The following TBC1D5 variants were observed in gnomAD, a reference collection of about 807,000 sequenced individuals.
TBC1D5 encodes TBC1 domain family member 5.
In TBC1D5, 75 loss-of-function variants were observed where a neutral mutation model predicts 100.3. The observed-to-expected ratio is 0.75, with a 90% CI of 0.62 to 0.91. The LOEUF (loss-of-function observed/expected upper bound fraction) is 0.91. Among genes scored for constraint, TBC1D5 ranks in the 40% least tolerant of loss-of-function variants. TBC1D5 has a pLI of 0.00. For synonymous variants in TBC1D5, 323 were observed against 325.6 expected (o/e 0.99, Z 0.09); for missense variants, 910 against 942.4 (o/e 0.97, Z 0.45).
chr3:17,162,485 C>T (rs574878873), intron 21 of TBC1D5, among the ~76,000 whole-genome samples: 11 of 152,356 alleles, frequency 7.2e-5, no homozygotes, highest in East Asian at 1.9e-4. Flanking sequence ...TGATGATTCA[C>T]CAACCTTTAG....
At chr3:17,287,842 A>G (rs1251835014) in intron 15 of TBC1D5, among the ~76,000 whole-genome samples, 1 of 152,174 alleles carries the variant, frequency 6.6e-6, no homozygotes, top group African/African-American at 2.4e-5. Context: ...CGCTTTTCTG[A>G]AGGTTTACAA....
intron 14 of TBC1D5, among the ~76,000 whole-genome samples, chr3:17,305,519 A>G (rs975224024): frequency 6.6e-6 from 1 of 152,204 alleles, no homozygotes; most frequent in Non-Finnish European, 1.5e-5. Context: ...TGGTTTTAAC[A>G]AACACCTGTC....
At chr3:17,370,528 C>G (rs1485508466) in intron 13 of TBC1D5, among the ~76,000 whole-genome samples, 1 of 152,074 alleles carries the variant, frequency 6.6e-6, no homozygotes, top group Non-Finnish European at 1.5e-5. Flanking sequence ...TGCCCAATAC[C>G]ACATGTCACA....
chr3:17,603,323 C>T (rs2061115295), intron 2 of TBC1D5, among the ~76,000 whole-genome samples: 1 of 151,736 alleles, frequency 6.6e-6, no homozygotes, highest in South Asian at 2.1e-4. Flanking sequence ...TCACAAAGAC[C>T]CCACTGGTAA....
chr3:17,350,000 C>T (rs1313205919), intron 13 of TBC1D5, among the ~76,000 whole-genome samples: 2 of 151,932 alleles, frequency 1.3e-5, no homozygotes, highest in East Asian at 3.9e-4. Flanking sequence ...TTTATTGTTG[C>T]CCGGGTGTTT....
chr3:17,555,372 T>C (rs751052272), intron 2 of TBC1D5, among the ~76,000 whole-genome samples: 1 of 152,156 alleles, frequency 6.6e-6, no homozygotes, highest in African/African-American at 2.4e-5. Flanking sequence ...TGAATCAATA[T>C]ATGTGAGGTA....
chr3:17,711,578 C>T lies in TBC1D5; in HGVS notation c.-101+27765G>A, dbSNP rs112752055. Among the ~76,000 whole-genome samples the T allele has an allele frequency of 3.3e-3, 505 of 152,110 alleles. 2 individuals carry two copies. Among genetic ancestry groups the T allele is most frequent in the African/African-American group, 0.011 (475 of 41,512 alleles). The stretch of plus-strand genomic sequence containing the variant: ...AAACAATATATTGCTTAGTTTTTAA[C>T]TTGTTTTGAAGTTTCTCATTGAAAA... On this transcript the variant is annotated intron_variant, in intron 1 of 21. Coordinates refer to ENST00000253692, the Ensembl canonical transcript of TBC1D5.
intron 13 of TBC1D5, among the ~76,000 whole-genome samples, chr3:17,320,161 C>T (rs2085218592): frequency 6.6e-6 from 1 of 152,178 alleles, no homozygotes; most frequent in African/African-American, 2.4e-5. Flanking sequence ...CATGTTACCT[C>T]AGCACTTTAG....
exon 22 of TBC1D5, chr3:17,161,155 G>A (rs145279379): frequency 3.0e-5 from 49 of 1,614,078 alleles, no homozygotes; most frequent in Middle Eastern, 3.3e-4. Context: ...GGGCCTGGCC[G>A]GAGAAGGAGC....
At chr3:17,281,272 G>T (rs1330531315) in intron 15 of TBC1D5, among the ~76,000 whole-genome samples, 1 of 152,200 alleles carries the variant, frequency 6.6e-6, no homozygotes, top group Non-Finnish European at 1.5e-5. Context: ...TAGTATTTTA[G>T]AGAAAGACAC....
chr3:17,543,776 C>T (rs934720389), intron 2 of TBC1D5, among the ~76,000 whole-genome samples: 8 of 152,116 alleles, frequency 5.3e-5, no homozygotes, highest in Admixed American at 3.3e-4. Context: ...ACAACAGAAT[C>T]ACCTGGAGTT....
intron 3 of TBC1D5, among the ~76,000 whole-genome samples, chr3:17,434,023 G>A (rs914181699): frequency 2.6e-5 from 4 of 152,136 alleles, no homozygotes; most frequent in South Asian, 2.1e-4. Context: ...AGGCTCCCAC[G>A]GCCTTGGGTA....
At chr3:17,237,944 T>G (rs1480702651) in intron 17 of TBC1D5, among the ~76,000 whole-genome samples, 1 of 151,280 alleles carries the variant, frequency 6.6e-6, no homozygotes, top group South Asian at 2.1e-4. Context: ...CAGGACAAAG[T>G]TGCAAGTATA....
chr3:17,614,693 C>T (rs538503307), intron 2 of TBC1D5, among the ~76,000 whole-genome samples: 3 of 151,976 alleles, frequency 2.0e-5, no homozygotes, highest in African/African-American at 4.8e-5. Context: ...TTGTCTGTTA[C>T]GGGTGTATAG....
Position 17,675,930 on chromosome 3 carries a change from T to C in TBC1D5, c.-100-52017A>G, listed in dbSNP as rs13065178. Among the ~76,000 whole-genome samples the C allele has an allele frequency of 6.7e-4, 102 of 152,288 alleles. 1 individual carries two copies. In the South Asian group the frequency reaches 0.017, roughly 25 times the overall value. ...ATTTGCCCCTTACTATATGATATTG[T>C]TATACTCTCCTTAACACGTAAAACT... On this transcript the variant is annotated intron_variant, in intron 1 of 21. Transcript: ENST00000253692.
At chr3:17,427,102 T>C (rs1156263288) in intron 4 of TBC1D5, among the ~76,000 whole-genome samples, 1 of 152,046 alleles carries the variant, frequency 6.6e-6, no homozygotes, top group Non-Finnish European at 1.5e-5. Context: ...ACAAGCTTTA[T>C]ATTATACTTC....
intron 13 of TBC1D5, among the ~76,000 whole-genome samples, chr3:17,350,052 T>G (rs1236973380): frequency 6.6e-6 from 1 of 152,176 alleles, no homozygotes; most frequent in Non-Finnish European, 1.5e-5. Context: ...AGAATTAAGA[T>G]AGAGTAGTTT....
chr3:17,639,989 C>T (rs1417200080), intron 1 of TBC1D5, among the ~76,000 whole-genome samples: 2 of 152,100 alleles, frequency 1.3e-5, no homozygotes, highest in South Asian at 4.1e-4. Context: ...ATTTGCCATC[C>T]CTGCTCTAGC....
Position 17,705,936 on chromosome 3 carries a change from C to A in TBC1D5, c.-101+33407G>T. ...CTCGGGCCCGCGGGGCCCGTCCGCTCCTCCAGCCGCTGCCTCCCGGGCGGC... is the reference window on the plus strand; with the variant it reads ...CTCGGGCCCGCGGGGCCCGTCCGCTACTCCAGCCGCTGCCTCCCGGGCGGC... On this transcript the variant is annotated intron_variant, in intron 1 of 21. Coordinates refer to ENST00000253692, the Ensembl canonical transcript of TBC1D5. The A allele has an allele frequency of 4.2e-6, 5 of 1,181,200 alleles. 1 individual carries two copies. The highest frequency in any genetic ancestry group is 5.8e-6 in the Non-Finnish European group (5 of 859,052). 73.2% of individuals were successfully genotyped at this position (1,181,200 alleles called of 1,614,324 possible).
Sources: allele counts gnomAD v4.1 joint callset (sites outside exome capture counted in the v4.1 genomes callset), GRCh38; gene constraint gnomAD v4.1.1; transcripts MANE v1.5; gene names NCBI Gene and HGNC (gene_info 2026-07-23, HGNC 2026-07-21).